Variants in SYT11 observed in about 807,000 individuals in gnomAD.
The protein encoded by SYT11 is synaptotagmin-11.
A neutral mutation model predicts 30.4 loss-of-function variants in SYT11; 12 were observed. The ratio of observed to expected loss-of-function variants is 0.39; its 90% CI spans 0.25 to 0.64. The LOEUF (loss-of-function observed/expected upper bound fraction) is 0.64. SYT11 is among the 30% of genes least tolerant of loss of function. The pLI, the probability that SYT11 is intolerant of heterozygous loss-of-function variation, is 0.45. For synonymous variants in SYT11, 204 were observed against 216.0 expected (o/e 0.94, Z 0.49); for missense variants, 412 against 552.0 (o/e 0.75, Z 2.54).
Position 155,882,999 on chromosome 1 carries a change from T to G in SYT11, c.*1491T>G, listed in dbSNP as rs1483161603. Reference sequence around the variant, plus strand: ...GTGTGACTGAGTGAATGAAGATAAGTTGGATTCTTTCAGAGCATTCTTTTC... The same window carrying G: ...GTGTGACTGAGTGAATGAAGATAAGGTGGATTCTTTCAGAGCATTCTTTTC... On this transcript the variant is annotated 3_prime_UTR_variant, in exon 4 of 4. Transcript: ENST00000368324. The G allele has an allele frequency of 6.6e-6, 1 of 152,338 alleles. No individual in the cohort carries two copies. The highest frequency in any genetic ancestry group is 2.4e-5 in the African/African-American group (1 of 41,448). The allele number at this position is 152,338 out of a possible 1,614,324, so 9.4% of individuals were successfully genotyped here.
intron 1 of SYT11, among the ~76,000 whole-genome samples, chr1:155,862,638 C>T (rs527570118): frequency 6.6e-6 from 1 of 152,286 alleles, no homozygotes; most frequent in African/African-American, 2.4e-5. Flanking sequence ...GGTTGCCCCC[C>T]GCTCCTCCAC....
At position 155,859,578 on chromosome 1, in the gene SYT11, G is replaced by A; in HGVS notation, c.-184G>A. On this transcript the variant is annotated 5_prime_UTR_variant, in exon 1 of 4. Coordinates refer to ENST00000368324, the MANE Select transcript of SYT11 (RefSeq NM_152280.5). ...TGCATCCTTAGCTCAGCGCATCCCC[G>A]GAGCATCTTAAGAGCTGAGCGCAGC... The A allele has an allele frequency of 6.1e-6, 4 of 655,608 alleles. No homozygotes were observed. The highest frequency in any genetic ancestry group is 5.0e-5 in the South Asian group (3 of 59,532). 40.6% of individuals were successfully genotyped at this position (655,608 alleles called of 1,614,324 possible).
In SYT11 at chr1:155,868,011, G is replaced by T; in HGVS notation, c.81G>T (p.Val27=). Residue 27 remains valine, a synonymous_variant, in exon 2 of 4, where the codon GTG becomes GTT. Transcript: ENST00000368324. The surrounding 1 kb of genome is among the most constrained non-coding windows in gnomAD (Gnocchi z 4.7). ...VAGLIGASVL[V]VCVSVTVFVW... is the part of the protein sequence containing the mutation. ...GCCTCATCGGGGCCTCTGTGCTGGT[G>T]GTGTGTGTCTCGGTGACCGTCTTTG... 1.2e-6 allele frequency: 2 copies of T among 1,613,124 alleles called. No individual in the cohort carries two copies. The highest frequency in any genetic ancestry group is 1.7e-6 in the Non-Finnish European group (2 of 1,179,824).
Position 155,884,394 on chromosome 1 carries a change from G to C in SYT11, c.*2886G>C, listed in dbSNP as rs1468032929. On this transcript the variant is annotated 3_prime_UTR_variant, in exon 4 of 4. Transcript: ENST00000368324. ...GAGGAACCAGTTGTTCTGTAGCCTA[G>C]GAACTGCCTCAGTGTCTTTGCCAGA... 1 of 152,890 alleles carries C rather than the reference G, an allele frequency of 6.5e-6. No individual in the cohort carries two copies. Among genetic ancestry groups the C allele is most frequent in the Non-Finnish European group, 1.5e-5 (1 of 68,132 alleles). 9.5% of individuals were successfully genotyped at this position (152,890 alleles called of 1,614,324 possible). A position where few individuals can be genotyped will look rare whatever the true frequency, so the allele number is the denominator to read the frequency against.
intron 1 of SYT11, among the ~76,000 whole-genome samples, chr1:155,863,450 C>T (rs1672622923): frequency 6.6e-6 from 1 of 151,644 alleles, no homozygotes; most frequent in African/African-American, 2.4e-5. Flanking sequence ...GAGACCACGT[C>T]TCTAAAAAAA....
intron 2 of SYT11, among the ~76,000 whole-genome samples, chr1:155,877,320 T>C (rs1197518881): frequency 6.6e-6 from 1 of 151,350 alleles, no homozygotes; most frequent in Admixed American, 6.6e-5. Context: ...GCCAGGCTGG[T>C]CTCGAACTCC....
At chr1:155,880,778 G>A (rs1309917431) in intron 3 of SYT11, among the ~76,000 whole-genome samples, 155 bp downstream of exon 3, 1 of 152,082 alleles carries the variant, frequency 6.6e-6, no homozygotes, top group Non-Finnish European at 1.5e-5. Context: ...GAGTATCTAC[G>A]TCCAATAGAT....
At position 155,859,692 on chromosome 1, in the gene SYT11, T is replaced by C; in HGVS notation, c.-70T>C. 1 of 1,480,720 alleles carries C rather than the reference T, an allele frequency of 6.8e-7. No individual in the cohort carries two copies. Among genetic ancestry groups the C allele is most frequent in the Non-Finnish European group, 9.4e-7 (1 of 1,058,710 alleles). The allele number at this position is 1,480,720 out of a possible 1,614,324, so 91.7% of individuals were successfully genotyped here. A position where few individuals can be genotyped will look rare whatever the true frequency, so the allele number is the denominator to read the frequency against. On this transcript the variant is annotated 5_prime_UTR_variant, in exon 1 of 4. Coordinates refer to ENST00000368324, the MANE Select transcript of SYT11 (RefSeq NM_152280.5). ...TAGAGCTCTACAGCTGCTGCCTCGGTACTGACCGAGGGTTCCCAGAGCTGT... is the reference window on the plus strand; with the variant it reads ...TAGAGCTCTACAGCTGCTGCCTCGGCACTGACCGAGGGTTCCCAGAGCTGT...
chr1:155,869,500 A>C (rs1283707736), intron 2 of SYT11, among the ~76,000 whole-genome samples: 1 of 151,814 alleles, frequency 6.6e-6, no homozygotes, highest in Non-Finnish European at 1.5e-5. Flanking sequence ...TTGAACTTCT[A>C]TCCTCAGGTG....
intron 1 of SYT11, 46 bp downstream of exon 1, chr1:155,859,841 G>A: frequency 6.3e-7 from 1 of 1,586,528 alleles, no homozygotes; most frequent in Non-Finnish European, 8.7e-7. Flanking sequence ...CAGAATGGTT[G>A]CAAGGCCAAG....
intron 2 of SYT11, among the ~76,000 whole-genome samples, chr1:155,873,404 G>A (rs1246502863): frequency 2.0e-5 from 3 of 152,050 alleles, no homozygotes; most frequent in Non-Finnish European, 2.9e-5. Context: ...CCAGCCTGGC[G>A]ACAGAGCAAG....
At chr1:155,865,650 T>C (rs1204881798) in intron 1 of SYT11, among the ~76,000 whole-genome samples, 1 of 151,830 alleles carries the variant, frequency 6.6e-6, no homozygotes, top group Non-Finnish European at 1.5e-5. Context: ...AAAAGAATAT[T>C]CCAGAAAGAA....
Position 155,881,631 on chromosome 1 carries a change from C to A in SYT11, c.*123C>A. On this transcript the variant is annotated 3_prime_UTR_variant, in exon 4 of 4. Coordinates refer to ENST00000368324, the MANE Select transcript of SYT11 (RefSeq NM_152280.5). ...TTGTAGAAGAAAATTTCTTACAAAA[C>A]AAATTCCACAAAGAACACCCTATAT... 1 of 893,520 alleles carries A rather than the reference C, an allele frequency of 1.1e-6. No homozygotes were observed. The highest frequency in any genetic ancestry group is 1.7e-6 in the Non-Finnish European group (1 of 593,860). 55.3% of individuals were successfully genotyped at this position (893,520 alleles called of 1,614,324 possible). A position where few individuals can be genotyped will look rare whatever the true frequency, so the allele number is the denominator to read the frequency against.
rs1196068668 is a variant in SYT11, at chr1:155,880,545, C to T, written c.907C>T (p.Pro303Ser). 6.2e-6 allele frequency: 10 copies of T among 1,613,972 alleles called. No individual in the cohort carries two copies. The highest frequency in any genetic ancestry group is 7.6e-6 in the Non-Finnish European group (9 of 1,179,966). Residue 303 changes from proline to serine, a missense_variant, in exon 3 of 4, where the codon CCT (proline) becomes TCT (serine). By Grantham distance (74) the Pro-to-Ser change is moderately conservative. Coordinates refer to ENST00000368324, the MANE Select transcript of SYT11 (RefSeq NM_152280.5). ...GCTCCAGGTGTCTCTGTCATATCAGCCTGTGGCACAGAGAATGACAGTGGT... is the reference window on the plus strand; with the variant it reads ...GCTCCAGGTGTCTCTGTCATATCAGTCTGTGGCACAGAGAATGACAGTGGT... ...GELQVSLSYQ[P>S]VAQRMTVVVL...
intron 1 of SYT11, 42 bp downstream of exon 1, chr1:155,859,837 G>C: frequency 6.2e-7 from 1 of 1,600,932 alleles, no homozygotes. Context: ...TGGTCAGAAT[G>C]GTTGCAAGGC....
chr1:155,868,441 A>T lies in SYT11; in HGVS notation c.511A>T (p.Lys171Ter). 1 of 1,614,082 alleles carries T rather than the reference A, an allele frequency of 6.2e-7. No individual in the cohort carries two copies. Among genetic ancestry groups the T allele is most frequent in the Non-Finnish European group, 8.5e-7 (1 of 1,179,984 alleles). The stretch of plus-strand genomic sequence containing the variant: ...CTTCTCAGTGGACTATAACTTCCCG[A>T]AAAAAGCCCTGGTGGTGACAATCCA... ...LTFSVDYNFPKKALVVTIQEA... is the reference protein window; with the variant it reads ...LTFSVDYNFP The change falls in exon 2 of 4, where the codon AAA becomes TAA. Residue 171 changes from lysine (K) to a stop codon, truncating the protein, a stop_gained. Transcript: ENST00000368324. LOFTEE classifies it high-confidence loss of function. This position sits in a 1 kb window ranked among gnomAD's most constrained non-coding sequence, Gnocchi z 4.7.
chr1:155,862,333 C>G (rs1672606006), intron 1 of SYT11, among the ~76,000 whole-genome samples: 1 of 152,222 alleles, frequency 6.6e-6, no homozygotes, highest in Admixed American at 6.5e-5. Context: ...AAGCTTTGGA[C>G]TAAAGCAAGA....
chr1:155,861,278 C>A (rs1247111673), intron 1 of SYT11, among the ~76,000 whole-genome samples: 1 of 152,168 alleles, frequency 6.6e-6, no homozygotes, highest in African/African-American at 2.4e-5. Context: ...GTTTCCAAAA[C>A]AAAAGTCCCT....
chr1:155,874,459 G>A (rs1489116764), intron 2 of SYT11, among the ~76,000 whole-genome samples: 1 of 152,022 alleles, frequency 6.6e-6, no homozygotes, highest in East Asian at 1.9e-4. Context: ...AATTAGCTGA[G>A]CCTGGTAGCA....
Sources: gnomAD v4.1 joint callset for allele counts (sites outside exome capture counted in the v4.1 genomes callset) on GRCh38, gnomAD v4.1.1 for gene constraint, Gnocchi (gnomAD v3.1) non-coding constraint, MANE v1.5 for transcripts, NCBI Gene and HGNC (gene_info 2026-07-23, HGNC 2026-07-21) for gene names.